PDE7B: variants seen among roughly 807,000 people sequenced by gnomAD.
PDE7B encodes the protein 3',5'-cyclic-AMP phosphodiesterase 7B.
Under a neutral mutation model 56.2 loss-of-function variants are expected in PDE7B, and 29 were observed. The observed-to-expected ratio is 0.52, with a 90% confidence interval of 0.38 to 0.70. PDE7B has a LOEUF of 0.70. PDE7B is among the 30% of genes least tolerant of loss of function. PDE7B has a pLI of 0.00. For synonymous variants in PDE7B, 197 were observed against 196.9 expected (o/e 1.00, Z 0.00); for missense variants, 490 against 565.0 (o/e 0.87, Z 1.35).
At chr6:135,995,760 C>A (rs1346734978) in intron 2 of PDE7B, among the ~76,000 whole-genome samples, 1 of 152,038 alleles carries the variant, frequency 6.6e-6, no homozygotes, top group Non-Finnish European at 1.5e-5. Context: ...AGACATTTCA[C>A]AACAAGACAA....
At chr6:135,980,020 A>G (rs1475155895) in intron 2 of PDE7B, among the ~76,000 whole-genome samples, 1 of 152,226 alleles carries the variant, frequency 6.6e-6, no homozygotes, top group Non-Finnish European at 1.5e-5. Context: ...TGAAGGCATC[A>G]TGCTGCCTAA....
In PDE7B at chr6:135,936,095, A is replaced by G. The variant is rs373703602; in HGVS notation, c.22-11369A>G. Reference sequence around the variant, plus strand: ...TTTTCTCTAGCAGTGAGGTTATTTAATTCCAAGGACTGGTTTGAATTTCTT... The same window carrying G: ...TTTTCTCTAGCAGTGAGGTTATTTAGTTCCAAGGACTGGTTTGAATTTCTT... On this transcript the variant is annotated intron_variant, in intron 1 of 12. Transcript: ENST00000308191. Among the ~76,000 whole-genome samples the G allele has an allele frequency of 5.3e-5, 8 of 152,316 alleles. No individual in the cohort carries two copies. In the East Asian group the frequency reaches 1.5e-3, roughly 29 times the overall value.
intron 8 of PDE7B, among the ~76,000 whole-genome samples, chr6:136,168,136 A>G (rs995107765): frequency 2.6e-5 from 4 of 152,180 alleles, no homozygotes; most frequent in Non-Finnish European, 4.4e-5. Context: ...AGCAAAAGGA[A>G]AGGACACCAT....
At chr6:135,894,796 C>G (rs1775869073) in intron 1 of PDE7B, among the ~76,000 whole-genome samples, 1 of 152,084 alleles carries the variant, frequency 6.6e-6, no homozygotes, top group Non-Finnish European at 1.5e-5. Flanking sequence ...CGAGACGGGT[C>G]CCACTAAATA....
chr6:136,078,950 A>G (rs1031822152), intron 2 of PDE7B, among the ~76,000 whole-genome samples: 2 of 152,168 alleles, frequency 1.3e-5, no homozygotes, highest in African/African-American at 4.8e-5. Flanking sequence ...ACAGCTCTGT[A>G]TGGCCACACA....
chr6:135,953,483 C>G (rs925947569), intron 2 of PDE7B, among the ~76,000 whole-genome samples: 4 of 151,972 alleles, frequency 2.6e-5, no homozygotes, highest in African/African-American at 9.7e-5. Flanking sequence ...GAATAATAAG[C>G]AATAATAACA....
intron 3 of PDE7B, among the ~76,000 whole-genome samples, chr6:136,132,268 C>CT (rs908880525): frequency 2.6e-5 from 4 of 151,912 alleles, no homozygotes; most frequent in East Asian, 1.9e-4. Flanking sequence ...TTTACTATAC[C>CT]TTTTTTTTAA....
rs781359013 is a variant in PDE7B, at chr6:136,155,661, T to A, written c.614T>A (p.Leu205His). Residue 205 changes from leucine to histidine, a missense_variant, in exon 8 of 13, where the codon CTT (leucine) becomes CAT (histidine). Leu to His is a moderately conservative substitution (Grantham distance 99, BLOSUM62 -3). Coordinates refer to ENST00000308191, the MANE Select transcript of PDE7B (RefSeq NM_018945.4). ...TTCCTCACGCCTCTGGACATCATGC[T>A]TGGACTGCTGGCTGCAGCAGCACAC... ...ASFLTPLDIM[L>H]GLLAAAAHDV... 1 of 1,613,910 alleles carries A rather than the reference T, an allele frequency of 6.2e-7. No homozygotes were observed. The highest frequency in any genetic ancestry group is 1.1e-5 in the South Asian group (1 of 91,074).
chr6:136,111,530 A>T (rs1176609615), intron 3 of PDE7B, among the ~76,000 whole-genome samples: 1 of 152,198 alleles, frequency 6.6e-6, no homozygotes. Flanking sequence ...CTTAGTTTGC[A>T]ATTACAACAG....
At chr6:135,946,266 T>C (rs2128199322) in intron 1 of PDE7B, among the ~76,000 whole-genome samples, 1 of 151,242 alleles carries the variant, frequency 6.6e-6, no homozygotes, top group South Asian at 2.1e-4. Flanking sequence ...ATATTATGTA[T>C]TTCATATATA....
chr6:136,081,180 T>C (rs1777202082), intron 2 of PDE7B, among the ~76,000 whole-genome samples: 1 of 152,126 alleles, frequency 6.6e-6, no homozygotes, highest in African/African-American at 2.4e-5. Context: ...AGGGTCATCA[T>C]TTCAGAGAGA....
At chr6:136,178,030 T>C (rs1779007094) in intron 9 of PDE7B, among the ~76,000 whole-genome samples, 1 of 152,216 alleles carries the variant, frequency 6.6e-6, no homozygotes. Context: ...CACTGATACA[T>C]ACCATATAAC....
rs1371705433 is a variant in PDE7B at position 136,004,418 on chromosome 6, T to C, written c.82+56894T>C. Among the ~76,000 whole-genome samples, 3 of 152,276 alleles carry C rather than the reference T, an allele frequency of 2.0e-5. No individual in the cohort carries two copies. In the East Asian group the frequency reaches 5.8e-4, roughly 29 times the overall value. ...GGAAAAGAGGAAGTCAAATTGTCCC[T>C]GTTTGCAGATGACATGATTGTATAT... On this transcript the variant is annotated intron_variant, in intron 2 of 12. Coordinates refer to ENST00000308191, the MANE Select transcript of PDE7B (RefSeq NM_018945.4).
intron 2 of PDE7B, among the ~76,000 whole-genome samples, chr6:136,008,540 A>T (rs988189211): frequency 7.9e-5 from 12 of 152,184 alleles, no homozygotes; most frequent in African/African-American, 2.9e-4. Flanking sequence ...CTAGTGTGAG[A>T]TGGTATCTCA....
At chr6:135,897,577 GA>G (rs1445399748) in intron 1 of PDE7B, among the ~76,000 whole-genome samples, 2 of 152,196 alleles carry the variant, frequency 1.3e-5, no homozygotes, top group African/African-American at 4.8e-5. Flanking sequence ...CCAACTTGCA[GA>G]AGGCTTTAAG....
chr6:136,050,277 G>T (rs567496910), intron 2 of PDE7B, among the ~76,000 whole-genome samples: 2 of 152,226 alleles, frequency 1.3e-5, no homozygotes, highest in Admixed American at 1.3e-4. Flanking sequence ...ACCTACATGT[G>T]ATATGTATAC....
intron 1 of PDE7B, among the ~76,000 whole-genome samples, chr6:135,911,928 A>T (rs1257437251): frequency 6.6e-6 from 1 of 152,234 alleles, no homozygotes; most frequent in Non-Finnish European, 1.5e-5. Flanking sequence ...TATACATAAT[A>T]TTTATATTGA....
At chr6:136,046,027 G>C (rs777347278) in intron 2 of PDE7B, among the ~76,000 whole-genome samples, 1 of 151,776 alleles carries the variant, frequency 6.6e-6, no homozygotes, top group Non-Finnish European at 1.5e-5. Context: ...ATAAACGTAA[G>C]TGACAAGCAC....
At chr6:135,978,662 C>T (rs766481728) in intron 2 of PDE7B, among the ~76,000 whole-genome samples, 6 of 151,864 alleles carry the variant, frequency 4.0e-5, no homozygotes, top group Non-Finnish European at 7.4e-5. Flanking sequence ...ATTTTATAAG[C>T]TTTTTTCTAT....
Sources: gnomAD v4.1 joint callset for allele counts (sites outside exome capture counted in the v4.1 genomes callset) on GRCh38, gnomAD v4.1.1 for gene constraint, MANE v1.5 for transcripts, NCBI Gene and HGNC (gene_info 2026-07-23, HGNC 2026-07-21) for gene names.